The following HAPLN3 variants were observed in gnomAD, a reference collection of about 807,000 sequenced individuals.
HAPLN3 encodes hyaluronan and proteoglycan link protein 3.
In HAPLN3, 28 loss-of-function variants were observed where a neutral mutation model predicts 28.1. That is an observed-to-expected ratio of 1.00 (90% confidence interval 0.74 to 1.37). The LOEUF (loss-of-function observed/expected upper bound fraction) is 1.37. Among genes scored for constraint, HAPLN3 ranks in the 40% most tolerant of loss-of-function variants. HAPLN3 has a pLI of 0.00. For synonymous variants in HAPLN3, 211 were observed against 213.1 expected (o/e 0.99, Z 0.09); for missense variants, 513 against 504.6 (o/e 1.02, Z -0.16).
In HAPLN3 at chr15:88,877,877, A is replaced by T; in HGVS notation, c.*93T>A. 1 of 1,261,140 alleles carries T rather than the reference A, an allele frequency of 7.9e-7. No individual in the cohort carries two copies. The highest frequency in any genetic ancestry group is 1.5e-5 in the South Asian group (1 of 66,046). 78.1% of individuals were successfully genotyped at this position (1,261,140 alleles called of 1,614,324 possible). A position where few individuals can be genotyped will look rare whatever the true frequency, so the allele number is the denominator to read the frequency against. ...GAAAATTTAAATTGAGAAGTATAAA[A>T]ACAGTTAAAATGGCTCCAACCCACA... On this transcript the variant is annotated 3_prime_UTR_variant, in exon 5 of 5. Transcript: ENST00000359595. The surrounding 1 kb of genome is among the most constrained non-coding windows in gnomAD (Gnocchi z 5.1).
intron 2 of HAPLN3, among the ~76,000 whole-genome samples, chr15:88,885,981 A>G (rs1897842229): frequency 6.6e-6 from 1 of 152,198 alleles, no homozygotes; most frequent in Non-Finnish European, 1.5e-5. Flanking sequence ...TGATAATAGA[A>G]TCTACTTTCA....
Position 88,881,819 on chromosome 15 carries a change from G to T in HAPLN3, c.125-94C>A. ...ACACCCTCATCCACGGCTCCTACAGGCTCAGATTGCAAAAATGGCCACCAT... is the reference window on the plus strand; with the variant it reads ...ACACCCTCATCCACGGCTCCTACAGTCTCAGATTGCAAAAATGGCCACCAT... On this transcript the variant is annotated intron_variant, in intron 2 of 4. Transcript: ENST00000359595. This position sits in a 1 kb window ranked among gnomAD's most constrained non-coding sequence, Gnocchi z 6.0. The T allele has an allele frequency of 7.1e-7, 1 of 1,406,582 alleles. No homozygotes were observed. Among genetic ancestry groups the T allele is most frequent in the Non-Finnish European group, 9.6e-7 (1 of 1,046,164 alleles). 87.1% of individuals were successfully genotyped at this position (1,406,582 alleles called of 1,614,324 possible). A position where few individuals can be genotyped will look rare whatever the true frequency, so the allele number is the denominator to read the frequency against.
intron 1 of HAPLN3, among the ~76,000 whole-genome samples, chr15:88,887,546 C>T (rs547506265): frequency 3.6e-4 from 55 of 152,234 alleles, no homozygotes; most frequent in African/African-American, 1.3e-3. Context: ...AGCTGTACCC[C>T]GAAGGCAAGA....
chr15:88,886,035 G>C (rs745720928), intron 2 of HAPLN3, among the ~76,000 whole-genome samples: 1 of 152,170 alleles, frequency 6.6e-6, no homozygotes, highest in African/African-American at 2.4e-5. Flanking sequence ...GTCAGCACCC[G>C]TGCTGCACTA....
chr15:88,887,773 G>T (rs1429979887), intron 1 of HAPLN3, among the ~76,000 whole-genome samples: 2 of 152,082 alleles, frequency 1.3e-5, no homozygotes, highest in East Asian at 3.9e-4. Context: ...AGGCCAGCCT[G>T]GCCAACATGG....
intron 1 of HAPLN3, among the ~76,000 whole-genome samples, chr15:88,889,205 G>C (rs946582060): frequency 6.6e-6 from 1 of 152,136 alleles, no homozygotes; most frequent in Admixed American, 6.5e-5. Flanking sequence ...CTCCATTAAA[G>C]TCTCTTTATT....
intron 1 of HAPLN3, among the ~76,000 whole-genome samples, chr15:88,889,849 A>C (rs2141672808): frequency 6.6e-6 from 1 of 152,320 alleles, no homozygotes; most frequent in Admixed American, 6.5e-5. Context: ...AAAATAGACA[A>C]AGCAGAACAT....
intron 1 of HAPLN3, 71 bp from the exon 2 acceptor site, chr15:88,887,416 C>T (rs1256134917): frequency 2.2e-6 from 3 of 1,365,222 alleles, no homozygotes; most frequent in Non-Finnish European, 3.0e-6. Flanking sequence ...TCTGCTCCAA[C>T]ACCACTCACT....
rs1596164605 is a variant in HAPLN3 at position 88,879,637 on chromosome 15, C to T, written c.494-368G>A. 1 of 1,245,982 alleles carries T rather than the reference C, an allele frequency of 8.0e-7. No individual in the cohort carries two copies. The highest frequency in any genetic ancestry group is 4.9e-5 in the East Asian group (1 of 20,572). The allele number at this position is 1,245,982 out of a possible 1,614,324, so 77.2% of individuals were successfully genotyped here. On this transcript the variant is annotated intron_variant, in intron 3 of 4. Coordinates refer to ENST00000359595, the MANE Select transcript of HAPLN3 (RefSeq NM_178232.4). This position sits in a 1 kb window ranked among gnomAD's most constrained non-coding sequence, Gnocchi z 5.0. Reference sequence around the variant, plus strand: ...GGGGCCAGGTTTGACTCCCAGCTCCCCACTCGTTAGCTGGGACCCGATCGT... The same window carrying T: ...GGGGCCAGGTTTGACTCCCAGCTCCTCACTCGTTAGCTGGGACCCGATCGT...
rs922611971 is a variant in HAPLN3 at position 88,885,799 on chromosome 15, C to G, written c.124+1376G>C. ...AGAGGGTTTCGGTATGTTGGCCAGG[C>G]TGGCCTTGAACTCCTGACCTCAAGT... On this transcript the variant is annotated intron_variant, in intron 2 of 4. Coordinates refer to ENST00000359595, the MANE Select transcript of HAPLN3 (RefSeq NM_178232.4). Among the ~76,000 whole-genome samples, 18 of 151,946 alleles carry G rather than the reference C, an allele frequency of 1.2e-4. 1 individual carries two copies. The highest frequency in any genetic ancestry group is 1.1e-3 in the Admixed American group (17 of 15,250).
rs777163714 is a variant in HAPLN3 at position 88,881,360 on chromosome 15, G to C, written c.490C>G (p.Arg164Gly). The C allele has an allele frequency of 1.1e-5, 17 of 1,609,126 alleles. No individual in the cohort carries two copies. Among genetic ancestry groups the C allele is most frequent in the Non-Finnish European group, 1.4e-5 (16 of 1,177,556 alleles). ...DESGLVELELRGVVFPYQSPN... is the reference protein window; with the variant it reads ...DESGLVELELGGVVFPYQSPN... ...CCAGTCCCCGTTAGCATCTCACCCC[G>C]CAGCTCCAGCTCCACCAGACCGCTT... Residue 164 changes from arginine (R) to glycine (G), a missense_variant, in exon 3 of 5, where the codon CGG (arginine) becomes GGG (glycine). Physicochemically the swap from Arg to Gly is moderately radical, Grantham distance 125. Transcript: ENST00000359595. The surrounding 1 kb of genome is among the most constrained non-coding windows in gnomAD (Gnocchi z 6.0).
In HAPLN3 at chr15:88,881,485, C is replaced by T. The variant is rs778779992; in HGVS notation, c.365G>A (p.Arg122Gln). The T allele has an allele frequency of 1.2e-6, 2 of 1,613,972 alleles. No homozygotes were observed. Among genetic ancestry groups the T allele is most frequent in the African/African-American group, 1.3e-5 (1 of 74,946 alleles). ...FGDYQGRVHL[R>Q]QDKEHDVSLE... ...CGAGACGTCATGCTCTTTGTCCTGCCGCAGGTGCACGCGGCCTTGGTAGTC... is the reference window on the plus strand; with the variant it reads ...CGAGACGTCATGCTCTTTGTCCTGCTGCAGGTGCACGCGGCCTTGGTAGTC... The change falls in exon 3 of 5, where the codon CGG becomes CAG. Residue 122 changes from arginine to glutamine, a missense_variant. By Grantham distance (43) the Arg-to-Gln change is conservative (BLOSUM62 1). Transcript: ENST00000359595. The surrounding 1 kb of genome is among the most constrained non-coding windows in gnomAD (Gnocchi z 6.0).
In HAPLN3 at chr15:88,881,326, C is replaced by T; in HGVS notation, c.493+31G>A. The T allele has an allele frequency of 6.3e-7, 1 of 1,588,298 alleles. No homozygotes were observed. The highest frequency in any genetic ancestry group is 8.6e-7 in the Non-Finnish European group (1 of 1,166,806). ...TCCTCTCCCCTCTGCTCTCAGGTCC[C>T]AGTGTCACCCAGTCCCCGTTAGCAT... On this transcript the variant is annotated intron_variant, in intron 3 of 4. Coordinates refer to ENST00000359595, the MANE Select transcript of HAPLN3 (RefSeq NM_178232.4). This position sits in a 1 kb window ranked among gnomAD's most constrained non-coding sequence, Gnocchi z 6.0.
chr15:88,882,758 C>G (rs943951539), intron 2 of HAPLN3, among the ~76,000 whole-genome samples: 1 of 152,164 alleles, frequency 6.6e-6, no homozygotes, highest in Non-Finnish European at 1.5e-5. Flanking sequence ...AATCCCAACA[C>G]TTTGAGAGGC....
chr15:88,883,868 A>G lies in HAPLN3; in HGVS notation c.125-2143T>C, dbSNP rs114158135. 3.8e-3 allele frequency among the ~76,000 whole-genome samples: 580 copies of G among 151,656 alleles called. 6 individuals carry two copies. Among genetic ancestry groups the G allele is most frequent in the African/African-American group, 0.013 (551 of 41,398 alleles). On this transcript the variant is annotated intron_variant, in intron 2 of 4. Coordinates refer to ENST00000359595, the MANE Select transcript of HAPLN3 (RefSeq NM_178232.4). Reference sequence around the variant, plus strand: ...CAAGGCGGGCAGATCACTTGAGGCCACGAGTTCGAGACTAGCGTGGCCAAC... The same window carrying G: ...CAAGGCGGGCAGATCACTTGAGGCCGCGAGTTCGAGACTAGCGTGGCCAAC...
Position 88,895,153 on chromosome 15 carries a change from G to C in HAPLN3, c.-48+306C>G, listed in dbSNP as rs1050482114. ...AGCCAAGCGGACCCTGGCAGGAAGG[G>C]GGCTGGAGGCGGACGGTGGTCTCGG... is the stretch of plus-strand genomic sequence containing the variant. On this transcript the variant is annotated intron_variant, in intron 1 of 4. Transcript: ENST00000359595. This position sits in a 1 kb window ranked among gnomAD's most constrained non-coding sequence, Gnocchi z 5.5. Among the ~76,000 whole-genome samples, 8 of 152,216 alleles carry C rather than the reference G, an allele frequency of 5.3e-5. No homozygotes were observed. Among genetic ancestry groups the C allele is most frequent in the African/African-American group, 1.9e-4 (8 of 41,464 alleles).
Position 88,879,818 on chromosome 15 carries a change from G to T in HAPLN3, c.494-549C>A. 9.3e-7 allele frequency: 1 copy of T among 1,078,234 alleles called. No homozygotes were observed. Among genetic ancestry groups the T allele is most frequent in the Middle Eastern group, 4.5e-4 (1 of 2,246 alleles). 66.8% of individuals were successfully genotyped at this position (1,078,234 alleles called of 1,614,324 possible). The stretch of plus-strand genomic sequence containing the variant: ...GGAGGCTCAAGGGCAGGGAGGTCTG[G>T]GGCAGGCGGTTTCTCTCCTTGTGGT... On this transcript the variant is annotated intron_variant, in intron 3 of 4. Coordinates refer to ENST00000359595, the MANE Select transcript of HAPLN3 (RefSeq NM_178232.4). This position sits in a 1 kb window ranked among gnomAD's most constrained non-coding sequence, Gnocchi z 5.0.
chr15:88,894,784 T>C, intron 1 of HAPLN3, among the ~76,000 whole-genome samples: 1 of 152,170 alleles, frequency 6.6e-6, no homozygotes, highest in African/African-American at 2.4e-5. Flanking sequence ...GCTGTTTCCA[T>C]ACTGGCTGCG....
chr15:88,892,940 C>T (rs772292489), intron 1 of HAPLN3: 5 of 1,532,740 alleles, frequency 3.3e-6, no homozygotes, highest in Non-Finnish European at 4.4e-6. Flanking sequence ...GTGCCACCAG[C>T]TGGAAGGCCC....
Sources: gnomAD v4.1 joint callset for allele counts (sites outside exome capture counted in the v4.1 genomes callset) on GRCh38, gnomAD v4.1.1 for gene constraint, Gnocchi (gnomAD v3.1) non-coding constraint, MANE v1.5 for transcripts, NCBI Gene and HGNC (gene_info 2026-07-23, HGNC 2026-07-21) for gene names.